NREP: variants seen among roughly 807,000 people sequenced by gnomAD.
NREP encodes the protein neuronal regeneration-related protein.
A neutral mutation model predicts 8.6 loss-of-function variants in NREP; 5 were observed. That is an observed-to-expected ratio of 0.58 (90% CI 0.30 to 1.22). The LOEUF (loss-of-function observed/expected upper bound fraction) is 1.22. Among genes scored for constraint, NREP ranks in the 50% most tolerant of loss-of-function variants. The pLI, the probability that NREP is intolerant of heterozygous loss-of-function variation, is 0.07. For missense variants in NREP, 86 were observed against 82.5 expected (o/e 1.04, Z -0.17); for synonymous variants, 27 against 28.0 (o/e 0.96, Z 0.11).
rs550517372 is a variant in NREP at position 111,799,013 on chromosome 5, AGTT to A, written c.136-63509_136-63507del. ...AAGAAATCTCCACATTATTTTCCAT[AGTT>A]GTTGTACTAGTTTGCATTCCCACCA... On this transcript the variant is annotated intron_variant, in intron 2 of 3. Coordinates refer to the NREP transcript ENST00000395634. 2.6e-5 allele frequency among the ~76,000 whole-genome samples: 4 copies of A among 152,250 alleles called. No homozygotes were observed. The East Asian group carries it at 5.8e-4, about 22-fold the overall frequency.
chr5:111,866,708 C>T (rs1365767839), intron 2 of NREP, among the ~76,000 whole-genome samples: 15 of 151,876 alleles, frequency 9.9e-5, no homozygotes, highest in Non-Finnish European at 1.3e-4. Flanking sequence ...ATGTTTATTG[C>T]GGCACTATTC....
chr5:111,886,512 C>T (rs1319176588), intron 2 of NREP, among the ~76,000 whole-genome samples: 2 of 151,894 alleles, frequency 1.3e-5, no homozygotes, highest in African/African-American at 2.4e-5. Context: ...GCTATAAAGA[C>T]ACATGCACAC....
chr5:111,757,626 C>T (rs1488230200), upstream of NREP: 1 of 983,108 alleles, frequency 1.0e-6, no homozygotes, highest in Admixed American at 6.2e-5. Flanking sequence ...CGCCCCGACA[C>T]CCCGCACCCG....
chr5:111,746,487 T>A (rs1750014065), intron 2 of NREP, among the ~76,000 whole-genome samples: 1 of 152,204 alleles, frequency 6.6e-6, no homozygotes. Context: ...ATCCAATTAA[T>A]AAAGGACTAA....
intron 2 of NREP, among the ~76,000 whole-genome samples, chr5:111,746,343 CTAT>C (rs1484242846): frequency 1.3e-5 from 2 of 151,898 alleles, no homozygotes; most frequent in African/African-American, 2.4e-5. Flanking sequence ...ATTTAAGATT[CTAT>C]TATCAAGAAG....
At position 111,846,884 on chromosome 5, in the gene NREP, ATTTG is replaced by A. The variant is rs537500960; in HGVS notation, c.136-111381_136-111378del. ...TAAGAGAATTTGATTAGAAACCAAAATTTGTTTATTTCATTCATGTCCATTTTTC... is the reference window on the plus strand; with the variant it reads ...TAAGAGAATTTGATTAGAAACCAAAATTTATTTCATTCATGTCCATTTTTC... On this transcript the variant is annotated intron_variant, in intron 2 of 3. Transcript: ENST00000395634. 2.4e-3 allele frequency among the ~76,000 whole-genome samples: 369 copies of A among 152,290 alleles called. 3 individuals carry two copies. The highest frequency in any genetic ancestry group is 0.015 in the South Asian group (73 of 4,820).
intron 2 of NREP, among the ~76,000 whole-genome samples, chr5:111,838,629 T>A (rs974601814): frequency 4.6e-5 from 7 of 152,108 alleles, no homozygotes; most frequent in African/African-American, 1.7e-4. Context: ...GGGTTTCCTG[T>A]CAGCTGGCCT....
intron 2 of NREP, among the ~76,000 whole-genome samples, chr5:111,882,034 G>C (rs892939630): frequency 6.6e-6 from 1 of 152,158 alleles, no homozygotes; most frequent in Non-Finnish European, 1.5e-5. Context: ...ACTACTCCGA[G>C]CTACAGGAGG....
chr5:111,929,914 A>G (rs530269530), intron 2 of NREP, among the ~76,000 whole-genome samples: 1 of 152,264 alleles, frequency 6.6e-6, no homozygotes, highest in South Asian at 2.1e-4. Flanking sequence ...CCTCCTCTCA[A>G]GGAGCAGATT....
chr5:111,757,531 TGTGCAGCC>T (rs1473236022), upstream of NREP: 33 of 984,750 alleles, frequency 3.4e-5, no homozygotes, highest in Non-Finnish European at 3.7e-5. Flanking sequence ...TTGCTGCCAC[TGTGCAGCC>T]GCCTAGGAGC....
chr5:111,776,620 TAGAC>T (rs1751367812), intron 2 of NREP, among the ~76,000 whole-genome samples: 2 of 152,118 alleles, frequency 1.3e-5, no homozygotes, highest in Admixed American at 1.3e-4. Context: ...AATGGAATAA[TAGAC>T]AACAACAAAA....
chr5:111,913,368 T>C (rs1290744185), intron 2 of NREP, among the ~76,000 whole-genome samples: 1 of 152,120 alleles, frequency 6.6e-6, no homozygotes, highest in East Asian at 1.9e-4. Context: ...TGCCTTTCAT[T>C]AATCCATTAC....
At chr5:111,808,008 C>A (rs912715272) in intron 2 of NREP, among the ~76,000 whole-genome samples, 1 of 152,176 alleles carries the variant, frequency 6.6e-6, no homozygotes, top group Non-Finnish European at 1.5e-5. Context: ...GTGGGGGAAG[C>A]ACAGAAATGA....
At chr5:111,881,286 C>T (rs192879071) in intron 2 of NREP, among the ~76,000 whole-genome samples, 2,922 of 152,296 alleles carry the variant, frequency 0.019, 46 homozygotes, top group Non-Finnish European at 0.027. Flanking sequence ...GGGTGCCCAC[C>T]ATTGCCCAGG....
intron 1 of NREP, among the ~76,000 whole-genome samples, chr5:111,976,513 C>A (rs1052813440): frequency 1.3e-5 from 2 of 152,082 alleles, no homozygotes; most frequent in Non-Finnish European, 2.9e-5. Flanking sequence ...CCAGAGAAGA[C>A]AATAAGCAAA....
chr5:111,807,057 G>A (rs1752159994), intron 2 of NREP, among the ~76,000 whole-genome samples: 1 of 151,822 alleles, frequency 6.6e-6, no homozygotes, highest in South Asian at 2.1e-4. Flanking sequence ...AATGTGGGCT[G>A]GCAAATTTTG....
chr5:111,741,456 G>C (rs1372922416), intron 2 of NREP, among the ~76,000 whole-genome samples: 7 of 152,098 alleles, frequency 4.6e-5, no homozygotes, highest in African/African-American at 7.2e-5. Flanking sequence ...GGTGTTACTG[G>C]TCATATGAGA....
intron 2 of NREP, among the ~76,000 whole-genome samples, chr5:111,840,732 C>A (rs1753009064): frequency 6.6e-6 from 1 of 152,094 alleles, no homozygotes; most frequent in African/African-American, 2.4e-5. Flanking sequence ...GAATCAGACA[C>A]AATCTTTTTC....
At chr5:111,885,647 G>A (rs1280293961) in intron 2 of NREP, among the ~76,000 whole-genome samples, 1 of 152,086 alleles carries the variant, frequency 6.6e-6, no homozygotes, top group African/African-American at 2.4e-5. Context: ...GAACAGAACA[G>A]AGCCCTCAGA....
Sources: allele counts gnomAD v4.1 joint callset (sites outside exome capture counted in the v4.1 genomes callset), GRCh38; gene constraint gnomAD v4.1.1; transcripts MANE v1.5; gene names NCBI Gene and HGNC (gene_info 2026-07-23, HGNC 2026-07-21).